Variants in USH2A observed in about 807,000 individuals in gnomAD.
USH2A encodes the protein usherin.
In USH2A, 443 loss-of-function variants were observed where a neutral mutation model predicts 538.9. The observed-to-expected ratio is 0.82, with a 90% CI of 0.76 to 0.89. The LOEUF is 0.89. Among genes scored for constraint, USH2A ranks in the 40% least tolerant of loss-of-function variants. The probability of loss-of-function intolerance (pLI) is 0.00; values close to 1 mark genes in which losing one functional copy is unlikely to be tolerated. For missense variants in USH2A, 6,633 were observed against 6,324.8 expected (o/e 1.05, Z -1.65); for synonymous variants, 2,413 against 2,273.5 (o/e 1.06, Z -1.75).
At chr1:216,203,333 G>A (rs747600494) in intron 16 of USH2A, among the ~76,000 whole-genome samples, 9 of 151,538 alleles carry the variant, frequency 5.9e-5, no homozygotes, top group Non-Finnish European at 1.0e-4. Context: ...TTTAATTTAT[G>A]TTAGGCAGAG....
At chr1:215,848,788 T>G (rs544963231) in intron 44 of USH2A, among the ~76,000 whole-genome samples, 1 of 152,314 alleles carries the variant, frequency 6.6e-6, no homozygotes, top group Non-Finnish European at 1.5e-5. Context: ...CATAGAAAAA[T>G]GTAGAAACAC....
At chr1:215,651,812 A>G (rs974284304) in intron 64 of USH2A, among the ~76,000 whole-genome samples, 5 of 152,220 alleles carry the variant, frequency 3.3e-5, no homozygotes, top group African/African-American at 1.2e-4. Context: ...CAAGAGAAGA[A>G]ACATTAGACA....
chr1:216,264,127 C>T (rs1253817056), intron 11 of USH2A, among the ~76,000 whole-genome samples: 1 of 152,082 alleles, frequency 6.6e-6, no homozygotes, highest in Non-Finnish European at 1.5e-5. Flanking sequence ...AATGGAAAGG[C>T]ATCCCATGAT....
At chr1:215,959,186 A>T (rs1025107541) in intron 37 of USH2A, among the ~76,000 whole-genome samples, 1 of 152,120 alleles carries the variant, frequency 6.6e-6, no homozygotes, top group African/African-American at 2.4e-5. Flanking sequence ...TACATATAAA[A>T]GGAAAAATGG....
At chr1:215,638,586 T>G (rs1656573890) in intron 69 of USH2A, among the ~76,000 whole-genome samples, 2 of 132,768 alleles carry the variant, frequency 1.5e-5, no homozygotes, top group African/African-American at 5.8e-5. Context: ...ACCACTGCAC[T>G]CCAGCCTGGG....
chr1:215,931,473 C>T (rs542731231), intron 38 of USH2A, among the ~76,000 whole-genome samples: 1 of 152,040 alleles, frequency 6.6e-6, no homozygotes, highest in African/African-American at 2.4e-5. Context: ...GTTGGCATAA[C>T]TTGAGAATAT....
intron 64 of USH2A, among the ~76,000 whole-genome samples, chr1:215,656,515 C>T (rs541974675): frequency 6.6e-6 from 1 of 152,178 alleles, no homozygotes; most frequent in Non-Finnish European, 1.5e-5. Flanking sequence ...ACAGGAGTAA[C>T]CAAATTCAGC....
At chr1:216,037,244 T>C (rs536005598) in intron 32 of USH2A, among the ~76,000 whole-genome samples, 2 of 152,146 alleles carry the variant, frequency 1.3e-5, no homozygotes, top group African/African-American at 2.4e-5. Context: ...ATGAGAGGAA[T>C]GAGCAGGGGC....
At chr1:216,299,515 C>T (rs1032491745) in intron 9 of USH2A, among the ~76,000 whole-genome samples, 8 of 151,824 alleles carry the variant, frequency 5.3e-5, no homozygotes, top group Non-Finnish European at 1.0e-4. Flanking sequence ...CTGGGGTTAC[C>T]GGTGGGTGGT....
At chr1:215,751,968 C>A (rs946529463) in intron 58 of USH2A, among the ~76,000 whole-genome samples, 4 of 152,122 alleles carry the variant, frequency 2.6e-5, no homozygotes, top group Non-Finnish European at 2.9e-5. Flanking sequence ...GAAAACAATA[C>A]CACCTTTTCT....
At chr1:215,927,385 G>A (rs1571820345) in intron 38 of USH2A, among the ~76,000 whole-genome samples, 1 of 152,034 alleles carries the variant, frequency 6.6e-6, no homozygotes, top group Non-Finnish European at 1.5e-5. Context: ...CAGCAAATAT[G>A]CTGGACTTAT....
chr1:216,067,046 AT>A (rs1410147439), intron 30 of USH2A, among the ~76,000 whole-genome samples: 1 of 152,210 alleles, frequency 6.6e-6, no homozygotes, highest in Non-Finnish European at 1.5e-5. Context: ...TACAACGGTA[AT>A]TGTTGGAAAC....
intron 38 of USH2A, 113 bp downstream of exon 38, chr1:215,934,503 G>A (rs925337889): frequency 2.8e-6 from 3 of 1,058,290 alleles, no homozygotes; most frequent in Admixed American, 4.7e-5. Context: ...AAATACAATT[G>A]AGCCTCTAAG....
chr1:216,354,807 A>G (rs1406828750), intron 4 of USH2A, among the ~76,000 whole-genome samples: 1 of 152,130 alleles, frequency 6.6e-6, no homozygotes, highest in African/African-American at 2.4e-5. Flanking sequence ...TACAGAAGAA[A>G]GAAAAGGAAG....
intron 21 of USH2A, among the ~76,000 whole-genome samples, chr1:216,138,566 C>A (rs1329037918): frequency 6.6e-6 from 1 of 152,154 alleles, no homozygotes; most frequent in Non-Finnish European, 1.5e-5. Flanking sequence ...TTTTCCAGTA[C>A]ACCAAGTCCT....
At chr1:216,354,079 G>A (rs1420838555) in intron 4 of USH2A, among the ~76,000 whole-genome samples, 2 of 152,066 alleles carry the variant, frequency 1.3e-5, no homozygotes, top group African/African-American at 4.8e-5. Context: ...CCAGACATGT[G>A]TCTAACTATT....
chr1:215,900,922 A>G lies in USH2A; in HGVS notation c.7301-17T>C, dbSNP rs761928653. On this transcript the variant is annotated splice_polypyrimidine_tract_variant and intron_variant, in intron 38 of 71. Coordinates refer to ENST00000307340, the MANE Select transcript of USH2A (RefSeq NM_206933.4). Reference sequence around the variant, plus strand: ...CATCTGGAGCTGTCGAAAAACACAGATGAATTAGAGCAGAGAAAACTGTGG... The same window carrying G: ...CATCTGGAGCTGTCGAAAAACACAGGTGAATTAGAGCAGAGAAAACTGTGG... 2.5e-6 allele frequency: 4 copies of G among 1,613,056 alleles called. No individual in the cohort carries two copies. The East Asian group carries it at 8.9e-5, about 36-fold the overall frequency.
chr1:216,206,178 TATA>T (rs1262056241), intron 16 of USH2A, among the ~76,000 whole-genome samples: 3 of 152,208 alleles, frequency 2.0e-5, no homozygotes, highest in African/African-American at 7.2e-5. Flanking sequence ...ATACATTTTC[TATA>T]ATATTTACAA....
chr1:216,070,047 A>G, intron 30 of USH2A, 54 bp downstream of exon 30: 1 of 1,589,768 alleles, frequency 6.3e-7, no homozygotes, highest in Non-Finnish European at 8.6e-7. Flanking sequence ...TTTATTTAAA[A>G]TGCAAACAAA....
Sources: gnomAD v4.1 joint callset for allele counts (sites outside exome capture counted in the v4.1 genomes callset) on GRCh38, gnomAD v4.1.1 for gene constraint, MANE v1.5 for transcripts, NCBI Gene and HGNC (gene_info 2026-07-23, HGNC 2026-07-21) for gene names.